The following FLNA variants were observed in gnomAD, a reference collection of about 807,000 sequenced individuals.
FLNA encodes filamin-A.
In FLNA, 7 loss-of-function variants were observed where a neutral mutation model predicts 157.6. The ratio of observed to expected loss-of-function variants is 0.04; its 90% confidence interval spans 0.03 to 0.08. The LOEUF is 0.08. FLNA is among the 10% of genes least tolerant of loss of function. The pLI, the probability that FLNA is intolerant of heterozygous loss-of-function variation, is 1.00. For synonymous variants in FLNA, 1,103 were observed against 1,060.8 expected, an observed-to-expected ratio of 1.04 and a Z score of -0.77; for missense variants, 1,750 against 2,398.4, an observed-to-expected ratio of 0.73 and a Z score of 5.65.
intron 43 of FLNA, 173 bp from the exon 44 acceptor site, chrX:154,351,214 C>G (rs1389636229): frequency 2.0e-6 from 1 of 511,366 alleles, no homozygotes; most frequent in Non-Finnish European, 3.4e-6. Context: ...AGGCGCACAT[C>G]CCCGCCCCTG....
In FLNA at chrX:154,358,425, C is replaced by T; in HGVS notation, c.4598+20G>A. The T allele has an allele frequency of 8.3e-7, 1 of 1,211,470 alleles. No homozygotes were observed. The highest frequency in any genetic ancestry group is 1.1e-6 in the Non-Finnish European group (1 of 895,292). ...TCCAGCCTGGGCCACTCCCCACAGG[C>T]AGCAGGCCCTGCCTCTTACCTCCGG... On this transcript the variant is annotated intron_variant, in intron 27 of 47. Coordinates refer to ENST00000369850, the MANE Select transcript of FLNA (RefSeq NM_001110556.2).
In FLNA at chrX:154,352,957, A is replaced by G; in HGVS notation, c.6227-33T>C. ...ATGGATACCCCTGAGCCTCGGTGCT[A>G]TGCACAGTGCTCCCGCCCCAGCTGG... On this transcript the variant is annotated intron_variant, in intron 38 of 47. Transcript: ENST00000369850. The G allele has an allele frequency of 5.0e-6, 6 of 1,209,631 alleles. No homozygotes were observed. The African/African-American group carries it at 1.0e-4, about 21-fold the overall frequency.
rs2067829657 is a variant in FLNA, at chrX:154,374,574, G to T, written c.-185C>A. On this transcript the variant is annotated 5_prime_UTR_variant, in exon 1 of 48. Coordinates refer to ENST00000369850, the MANE Select transcript of FLNA (RefSeq NM_001110556.2). ...GCGCCCGGATCGCCTTCGCGCCCGC[G>T]CCCGCGCCAGGCGCCTCGGGGATTC... is the stretch of plus-strand genomic sequence containing the variant. The T allele has an allele frequency of 8.9e-6, 1 of 111,948 alleles. No individual in the cohort carries two copies. Among genetic ancestry groups the T allele is most frequent in the Non-Finnish European group, 1.9e-5 (1 of 52,606 alleles). The allele number at this position is 111,948 out of a possible 1,213,427, so 9.2% of individuals were successfully genotyped here. A position where few individuals can be genotyped will look rare whatever the true frequency, so the allele number is the denominator to read the frequency against.
At chrX:154,351,237 G>A (rs2067616483) in intron 43 of FLNA, 196 bp from the exon 44 acceptor site, 1 of 477,947 alleles carries the variant, frequency 2.1e-6, no homozygotes, top group Non-Finnish European at 3.7e-6. Context: ...CCCACACTCT[G>A]CCGTCGCACA....
At position 154,357,480 on chromosome X, in the gene FLNA, G is replaced by A. The variant is rs781846478; in HGVS notation, c.4899C>T (p.Arg1633=). The A allele has an allele frequency of 2.9e-5, 35 of 1,210,293 alleles. No homozygotes were observed. The highest frequency in any genetic ancestry group is 3.8e-5 in the Non-Finnish European group (34 of 894,744). The change falls in exon 29 of 48, where the codon CGC becomes CGT. Residue 1633 remains arginine, a synonymous_variant. Coordinates refer to ENST00000369850, the MANE Select transcript of FLNA (RefSeq NM_001110556.2). ...CGTCCCCGGTGGGCACGGCACGCAC[G>A]CGGTACGGGGAGAAGGGGATCTCGT... ...GGDEIPFSPY[R]VRAVPTGDAS...
chrX:154,351,209 C>T, intron 43 of FLNA, 168 bp from the exon 44 acceptor site: 2 of 524,501 alleles, frequency 3.8e-6, no homozygotes, highest in East Asian at 7.3e-5. Flanking sequence ...GCCACAGGCG[C>T]ACATCCCCGC....
At position 154,371,117 on chromosome X, in the gene FLNA, C is replaced by T. The variant is rs1569551929; in HGVS notation, c.129G>A (p.Lys43=). Residue 43 remains lysine (K), a synonymous_variant, in exon 2 of 48, where the codon AAG becomes AAA. Coordinates refer to ENST00000369850, the MANE Select transcript of FLNA (RefSeq NM_001110556.2). The part of the protein sequence containing the change: ...KDLAEDAPWK[K]IQQNTFTRWC... ...AGCGCGTGAAAGTGTTCTGCTGGAT[C>T]TTCTTCCACGGCGCGTCCTCCGCCA... 3 of 1,203,813 alleles carry T rather than the reference C, an allele frequency of 2.5e-6. No homozygotes were observed. The highest frequency in any genetic ancestry group is 1.8e-5 in the South Asian group (1 of 55,822).
Position 154,360,697 on chromosome X carries a change from CAG to C in FLNA, c.3208-112_3208-111del, listed in dbSNP as rs1274596050. On this transcript the variant is annotated intron_variant, in intron 21 of 47. Transcript: ENST00000369850. ...GCCCTGGCTTCCTGCCCTCACCAAA[CAG>C]GGACACGGGCGGGCCCAGGCTGCCT... 19 of 722,838 alleles carry C rather than the reference CAG, an allele frequency of 2.6e-5. No individual in the cohort carries two copies. In the African/African-American group the frequency reaches 3.6e-4, roughly 14 times the overall value. 59.6% of individuals were successfully genotyped at this position (722,838 alleles called of 1,213,427 possible).
chrX:154,373,400 A>G (rs1557180762), intron 1 of FLNA, among the ~76,000 whole-genome samples: 1 of 112,155 alleles, frequency 8.9e-6, no homozygotes, highest in Non-Finnish European at 1.9e-5. Flanking sequence ...TTCCCTATTT[A>G]GAGGAAACAA....
At chrX:154,353,231 A>G (rs781845385) in intron 37 of FLNA, 27 bp from the exon 38 acceptor site, 3 of 1,209,095 alleles carry the variant, frequency 2.5e-6, no homozygotes, top group African/African-American at 3.5e-5. Flanking sequence ...GCTGTCAGTC[A>G]GGGAGGGCAT....
chrX:154,371,385 A>C, intron 1 of FLNA, 24 bp from the exon 2 acceptor site: 1 of 787,418 alleles, frequency 1.3e-6, no homozygotes, highest in Non-Finnish European at 1.8e-6. Context: ...GAGCCCTTTA[A>C]ATGCGGGAGG....
rs73631578 is a variant in FLNA, at chrX:154,350,377, G to C, written c.7157-170C>G. ...GCAGCAGACCTCCTGAGGGCCGAAG[G>C]TTTAGACACTCAAGCTGCCCACCGT... On this transcript the variant is annotated intron_variant, in intron 44 of 47. Coordinates refer to ENST00000369850, the MANE Select transcript of FLNA (RefSeq NM_001110556.2). 11,022 of 464,017 alleles carry C rather than the reference G, an allele frequency of 0.024. 875 individuals are homozygous for C. The highest frequency in any genetic ancestry group is 0.23 in the African/African-American group (9,675 of 41,226). The allele number at this position is 464,017 out of a possible 1,213,427, so 38.2% of individuals were successfully genotyped here.
chrX:154,349,980 G>T (rs892978137), intron 45 of FLNA, 51 bp downstream of exon 45: 8 of 1,195,548 alleles, frequency 6.7e-6, no homozygotes, highest in Non-Finnish European at 9.1e-6. Context: ...GAGCTTGGAG[G>T]CAAGGGCCTA....
rs782571710 is a variant in FLNA, at chrX:154,362,445, G to A, written c.2538C>T (p.Tyr846=). The change falls in exon 17 of 48, where the codon TAC becomes TAT. Residue 846 remains tyrosine, a synonymous_variant. Coordinates refer to ENST00000369850, the MANE Select transcript of FLNA (RefSeq NM_001110556.2). ...GGTCAGCAAAGAGGACCATAATGGT[G>A]TAGCTGCCAGCCCCCCGGGGCGTGT... ...VKYTPRGAGS[Y]TIMVLFADQA... 22 of 1,210,716 alleles carry A rather than the reference G, an allele frequency of 1.8e-5. No homozygotes were observed. The East Asian group carries it at 5.6e-4, about 31-fold the overall frequency.
rs1060500719 is a variant in FLNA, at chrX:154,362,746, T to A, written c.2319A>T (p.Lys773Asn). ...TCTTGGCTACTCCGGGGCCGTATACTTTGACCTTGTTGGGGTGGCTGCCAG... is the reference window on the plus strand; with the variant it reads ...TCTTGGCTACTCCGGGGCCGTATACATTGACCTTGTTGGGGTGGCTGCCAG... ...VGAGSHPNKVKVYGPGVAKTG... is the reference protein window; with the variant it reads ...VGAGSHPNKVNVYGPGVAKTG... The change falls in exon 16 of 48, where the codon AAA becomes AAT. Residue 773 changes from lysine (K) to asparagine (N), a missense_variant. Lys to Asn is a moderately conservative substitution (Grantham distance 94). Transcript: ENST00000369850. 5 of 1,202,939 alleles carry A rather than the reference T, an allele frequency of 4.2e-6. No individual in the cohort carries two copies. Among genetic ancestry groups the A allele is most frequent in the Non-Finnish European group, 5.6e-6 (5 of 891,710 alleles).
chrX:154,351,128 G>T, intron 43 of FLNA, 87 bp from the exon 44 acceptor site: 1 of 1,059,404 alleles, frequency 9.4e-7, no homozygotes, highest in Non-Finnish European at 1.3e-6. Context: ...GAGGCCCGCG[G>T]GTCGCACTTA....
Position 154,371,379 on chromosome X carries a change from C to A in FLNA, c.-116-18G>T. ...AGGTTGCGCTGCGGAGAGAGCGAGCCCTTTAAATGCGGGAGGAGGGCGGGG... is the reference window on the plus strand; with the variant it reads ...AGGTTGCGCTGCGGAGAGAGCGAGCACTTTAAATGCGGGAGGAGGGCGGGG... On this transcript the variant is annotated intron_variant, in intron 1 of 47. Transcript: ENST00000369850. The A allele has an allele frequency of 1.2e-6, 1 of 846,323 alleles. No individual in the cohort carries two copies. Among genetic ancestry groups the A allele is most frequent in the Non-Finnish European group, 1.6e-6 (1 of 613,087 alleles). The allele number at this position is 846,323 out of a possible 1,213,427, so 69.7% of individuals were successfully genotyped here.
chrX:154,367,628 C>T lies in FLNA; in HGVS notation c.720+13G>A, dbSNP rs782041343. ...CGGTCCCCTACAGCTGTAGCCAGGC[C>T]GGGCGGGTGTACCTGGGGGATGCCC... is the stretch of plus-strand genomic sequence containing the variant. On this transcript the variant is annotated intron_variant, in intron 4 of 47. Transcript: ENST00000369850. The T allele has an allele frequency of 1.7e-5, 20 of 1,209,547 alleles. No individual in the cohort carries two copies. Among genetic ancestry groups the T allele is most frequent in the Middle Eastern group, 4.6e-4 (2 of 4,372 alleles).
chrX:154,367,378 C>T lies in FLNA; in HGVS notation c.868+19G>A, dbSNP rs782354307. 36 of 1,209,922 alleles carry T rather than the reference C, an allele frequency of 3.0e-5. No individual in the cohort carries two copies. Among genetic ancestry groups the T allele is most frequent in the Non-Finnish European group, 4.0e-5 (36 of 894,382 alleles). Reference sequence around the variant, plus strand: ...GAAGACGTTGGCACACGGGTGCACCCCTGGTGGGGCTCCCTCACCTGGCCC... The same window carrying T: ...GAAGACGTTGGCACACGGGTGCACCTCTGGTGGGGCTCCCTCACCTGGCCC... On this transcript the variant is annotated intron_variant, in intron 5 of 47. Coordinates refer to ENST00000369850, the MANE Select transcript of FLNA (RefSeq NM_001110556.2).
Sources: allele counts gnomAD v4.1 joint callset (sites outside exome capture counted in the v4.1 genomes callset), GRCh38; gene constraint gnomAD v4.1.1; transcripts MANE v1.5; gene names NCBI Gene and HGNC (gene_info 2026-07-23, HGNC 2026-07-21).